Variants in SUCLG2 observed in about 807,000 individuals in gnomAD.
SUCLG2 encodes the protein succinate-CoA ligase GDP-forming subunit beta.
SUCLG2 carries 42 observed loss-of-function variants against 47.9 expected under a neutral mutation model. The observed-to-expected ratio is 0.88, with a 90% CI of 0.69 to 1.14. The LOEUF (loss-of-function observed/expected upper bound fraction) is 1.14, where lower values mean the gene tolerates loss of function less well. SUCLG2 is among the 50% of genes most tolerant of loss of function. The pLI is 0.00. For synonymous variants in SUCLG2, 195 were observed against 197.3 expected, an observed-to-expected ratio of 0.99 and a Z score of 0.10; for missense variants, 571 against 525.9, an observed-to-expected ratio of 1.09 and a Z score of -0.84.
At chr3:67,500,804 G>A (rs1705476117) in intron 7 of SUCLG2, among the ~76,000 whole-genome samples, 1 of 152,172 alleles carries the variant, frequency 6.6e-6, no homozygotes, top group Non-Finnish European at 1.5e-5. Flanking sequence ...TAAGGGAAGA[G>A]TTTCAAATAA....
chr3:67,619,142 A>C (rs1463665258), intron 1 of SUCLG2, among the ~76,000 whole-genome samples: 3 of 152,226 alleles, frequency 2.0e-5, no homozygotes, highest in African/African-American at 7.2e-5. Flanking sequence ...TTTAGAATTC[A>C]TTCTTCTTGG....
chr3:67,585,808 C>T (rs1362339082), intron 2 of SUCLG2, among the ~76,000 whole-genome samples: 2 of 151,742 alleles, frequency 1.3e-5, no homozygotes, highest in African/African-American at 4.8e-5. Flanking sequence ...ACTAAAAGTA[C>T]AAAAAATTAG....
intron 1 of SUCLG2, among the ~76,000 whole-genome samples, chr3:67,621,048 G>A (rs1015787422): frequency 1.3e-5 from 2 of 152,204 alleles, no homozygotes; most frequent in African/African-American, 2.4e-5. Context: ...TCTATAAAGA[G>A]CCAGATAGTA....
intron 1 of SUCLG2, among the ~76,000 whole-genome samples, chr3:67,623,101 G>A (rs1049117207): frequency 1.3e-4 from 20 of 152,208 alleles, no homozygotes; most frequent in African/African-American, 4.6e-4. Context: ...CTATGTGTAT[G>A]TATGTGTATA....
chr3:67,512,439 TG>T (rs1705818250), intron 6 of SUCLG2, among the ~76,000 whole-genome samples: 2 of 151,088 alleles, frequency 1.3e-5, no homozygotes, highest in Non-Finnish European at 2.9e-5. Flanking sequence ...TTATGTATCC[TG>T]GGCACCTTGG....
At chr3:67,585,438 T>G (rs1296743087) in intron 2 of SUCLG2, among the ~76,000 whole-genome samples, 1 of 152,160 alleles carries the variant, frequency 6.6e-6, no homozygotes, top group Non-Finnish European at 1.5e-5. Context: ...TAAGGGAACA[T>G]ATAATGAAAA....
chr3:67,612,140 C>T (rs1700538341), intron 1 of SUCLG2, among the ~76,000 whole-genome samples: 1 of 152,158 alleles, frequency 6.6e-6, no homozygotes, highest in Non-Finnish European at 1.5e-5. Context: ...AGGAGGATTG[C>T]TTGAGCCCAG....
intron 1 of SUCLG2, among the ~76,000 whole-genome samples, chr3:67,640,901 GT>G (rs1701090528): frequency 6.6e-6 from 1 of 152,124 alleles, no homozygotes; most frequent in Non-Finnish European, 1.5e-5. Context: ...TTACAAAACT[GT>G]TTTTCAAAAG....
chr3:67,654,244 G>C (rs970853030), intron 1 of SUCLG2, among the ~76,000 whole-genome samples: 19 of 152,232 alleles, frequency 1.2e-4, no homozygotes, highest in African/African-American at 4.1e-4. Flanking sequence ...ATGAGTCTGC[G>C]CGGGCAGACA....
At chr3:67,498,793 A>G (rs1575736701) in intron 7 of SUCLG2, among the ~76,000 whole-genome samples, 2 of 152,200 alleles carry the variant, frequency 1.3e-5, no homozygotes, top group East Asian at 3.8e-4. Flanking sequence ...GATTTAGTGG[A>G]AAGAATGCCA....
At chr3:67,519,786 G>C (rs1454117658) in intron 5 of SUCLG2, among the ~76,000 whole-genome samples, 1 of 152,104 alleles carries the variant, frequency 6.6e-6, no homozygotes, top group African/African-American at 2.4e-5. Flanking sequence ...CCTCATAGCT[G>C]ACGTAGGTTA....
intron 2 of SUCLG2, among the ~76,000 whole-genome samples, chr3:67,584,662 G>T (rs1707965497): frequency 6.6e-6 from 1 of 152,146 alleles, no homozygotes; most frequent in African/African-American, 2.4e-5. Flanking sequence ...ATAAAGAACT[G>T]CCTGAGACTG....
chr3:67,437,649 T>A (rs1310294360), intron 9 of SUCLG2, among the ~76,000 whole-genome samples: 2 of 152,172 alleles, frequency 1.3e-5, no homozygotes, highest in East Asian at 3.8e-4. Flanking sequence ...CTTCTATTTT[T>A]TTTTAAAAGA....
rs555569021 is a variant in SUCLG2, at chr3:67,410,478, A to G, written c.1063-9627T>C. Among the ~76,000 whole-genome samples, 6 of 152,192 alleles carry G rather than the reference A, an allele frequency of 3.9e-5. No homozygotes were observed. The East Asian group carries it at 1.2e-3, about 29-fold the overall frequency. On this transcript the variant is annotated intron_variant, in intron 9 of 10. Transcript: ENST00000307227. ...ACTGAAGGGCACAGAGATTTGGGGG[A>G]ATAGCACAAGCACAGTTTCTATTTT... is the stretch of plus-strand genomic sequence containing the variant.
intron 9 of SUCLG2, among the ~76,000 whole-genome samples, chr3:67,443,929 G>A (rs1478361560): frequency 3.1e-5 from 3 of 97,634 alleles, no homozygotes; most frequent in African/African-American, 1.0e-4. Context: ...GAGCGTCTCC[G>A]CCCGGCAGCC....
intron 2 of SUCLG2, among the ~76,000 whole-genome samples, chr3:67,557,753 A>C (rs2772450): frequency 5.9e-5 from 9 of 152,026 alleles, no homozygotes; most frequent in Admixed American, 5.9e-4. Context: ...AATCCAAAGC[A>C]AATGAATCAA....
intron 9 of SUCLG2, among the ~76,000 whole-genome samples, chr3:67,427,790 T>C (rs1285585996): frequency 6.6e-6 from 1 of 152,166 alleles, no homozygotes. Flanking sequence ...CCAACAGTCT[T>C]AGCAAATGGC....
At chr3:67,601,212 G>A (rs1708410822) in intron 2 of SUCLG2, among the ~76,000 whole-genome samples, 3 of 152,200 alleles carry the variant, frequency 2.0e-5, no homozygotes, top group African/African-American at 2.4e-5. Context: ...ATATACATAT[G>A]TACACAGAAA....
At chr3:67,637,766 C>G (rs1237004906) in intron 1 of SUCLG2, among the ~76,000 whole-genome samples, 2 of 152,144 alleles carry the variant, frequency 1.3e-5, no homozygotes, top group African/African-American at 4.8e-5. Context: ...AAGGTAAATC[C>G]AGTTCAGAAA....
Sources: allele counts gnomAD v4.1 joint callset (sites outside exome capture counted in the v4.1 genomes callset), GRCh38; gene constraint gnomAD v4.1.1; transcripts MANE v1.5; gene names NCBI Gene and HGNC (gene_info 2026-07-23, HGNC 2026-07-21).